The following SOS2 variants were observed in gnomAD, a reference collection of about 807,000 sequenced individuals.
SOS2 encodes SOS Ras/Rho guanine nucleotide exchange factor 2.
SOS2 carries 65 observed loss-of-function variants against 148.2 expected under a neutral mutation model. That is an observed-to-expected ratio of 0.44 (90% CI 0.36 to 0.54). SOS2 has a LOEUF of 0.54. SOS2 is among the 20% of genes least tolerant of loss of function. The pLI is 0.00. For missense variants in SOS2, 1,341 were observed against 1,590.2 expected (o/e 0.84, Z 2.67); for synonymous variants, 539 against 537.1 (o/e 1.00, Z -0.05).
chr14:50,182,692 T>C, intron 5 of SOS2, 86 bp from the exon 6 acceptor site: 1 of 1,064,354 alleles, frequency 9.4e-7, no homozygotes, highest in African/African-American at 1.6e-5. Flanking sequence ...TATAGGCTAC[T>C]CGAGGCAGAC....
chr14:50,158,732 C>T (rs1884897029), intron 10 of SOS2, 86 bp from the exon 11 acceptor site: 1 of 836,998 alleles, frequency 1.2e-6, no homozygotes, highest in Non-Finnish European at 1.9e-6. Flanking sequence ...GGCCTTCCTC[C>T]CTTTTTCTTT....
intron 8 of SOS2, among the ~76,000 whole-genome samples, chr14:50,166,658 C>T (rs186411933): frequency 6.6e-6 from 1 of 152,168 alleles, no homozygotes; most frequent in Admixed American, 6.5e-5. Context: ...TTTTTCTTAA[C>T]TCTGTATGAG....
chr14:50,133,584 T>C (rs936533183), intron 19 of SOS2, among the ~76,000 whole-genome samples: 2 of 152,208 alleles, frequency 1.3e-5, no homozygotes, highest in Non-Finnish European at 2.9e-5. Context: ...CTGCTTCACC[T>C]AAAGTTGGTT....
At chr14:50,182,251 A>ATT (rs1566841351) in intron 6 of SOS2, among the ~76,000 whole-genome samples, 1 of 151,128 alleles carries the variant, frequency 6.6e-6, no homozygotes, top group Non-Finnish European at 1.5e-5. Flanking sequence ...CCCAGGATGG[A>ATT]GTGCAGTGAC....
At chr14:50,211,029 T>C (rs548675294) in intron 1 of SOS2, among the ~76,000 whole-genome samples, 648 of 42,452 alleles carry the variant, frequency 0.015, 4 homozygotes, top group African/African-American at 0.051. Context: ...AATTCCACTA[T>C]AGGATATATA....
At chr14:50,160,428 C>T (rs1184353683) in intron 9 of SOS2, among the ~76,000 whole-genome samples, 2 of 116,304 alleles carry the variant, frequency 1.7e-5, no homozygotes, top group South Asian at 5.7e-4. Flanking sequence ...CTCTTGTCCC[C>T]CAGGCTGGAA....
chr14:50,184,378 T>C (rs1885841482), intron 5 of SOS2, among the ~76,000 whole-genome samples: 1 of 152,212 alleles, frequency 6.6e-6, no homozygotes, highest in Non-Finnish European at 1.5e-5. Flanking sequence ...TTGGTCTTTG[T>C]CCCTGGTTCC....
chr14:50,145,888 G>T lies in SOS2; in HGVS notation c.2385-292C>A, dbSNP rs1288410490. ...GGTGGCTCATGCCTGTAATCCCAGCGCTTTGGGAGGCCGAGGCAGATGGAT... is the reference window on the plus strand; with the variant it reads ...GGTGGCTCATGCCTGTAATCCCAGCTCTTTGGGAGGCCGAGGCAGATGGAT... On this transcript the variant is annotated intron_variant, in intron 14 of 22. Coordinates refer to ENST00000216373, the MANE Select transcript of SOS2 (RefSeq NM_006939.4). Among the ~76,000 whole-genome samples, 3 of 151,576 alleles carry T rather than the reference G, an allele frequency of 2.0e-5. No individual in the cohort carries two copies. The South Asian group carries it at 6.2e-4, about 32-fold the overall frequency.
chr14:50,198,737 T>C (rs1197753175), intron 4 of SOS2, among the ~76,000 whole-genome samples: 1 of 152,254 alleles, frequency 6.6e-6, no homozygotes, highest in Non-Finnish European at 1.5e-5. Context: ...TTCATTACTT[T>C]CTCCACTGTA....
intron 1 of SOS2, among the ~76,000 whole-genome samples, chr14:50,208,264 A>C (rs1438327087): frequency 6.6e-6 from 1 of 151,766 alleles, no homozygotes; most frequent in Non-Finnish European, 1.5e-5. Flanking sequence ...GTGCTGTTGC[A>C]CTCCAGCCTG....
rs766133013 is a variant in SOS2, at chr14:50,231,149, T to C, written c.87+48A>G. On this transcript the variant is annotated intron_variant, in intron 1 of 22. Coordinates refer to ENST00000216373, the MANE Select transcript of SOS2 (RefSeq NM_006939.4). ...GGACGACCTGCTCCCCGTTAGAAGC[T>C]CGGGGGGCCACGGGCCACCCGCCGG... 2.6e-6 allele frequency: 3 copies of C among 1,139,432 alleles called. No homozygotes were observed. The South Asian group carries it at 6.4e-5, about 24-fold the overall frequency. 70.6% of individuals were successfully genotyped at this position (1,139,432 alleles called of 1,614,324 possible). A position where few individuals can be genotyped will look rare whatever the true frequency, so the allele number is the denominator to read the frequency against.
intron 21 of SOS2, among the ~76,000 whole-genome samples, chr14:50,123,244 G>A (rs996247279): frequency 6.6e-6 from 1 of 152,168 alleles, no homozygotes; most frequent in Middle Eastern, 3.2e-3. Context: ...TGTCTATTAT[G>A]TTGAGGCAGA....
chr14:50,124,045 G>A (rs1339882244), intron 21 of SOS2, among the ~76,000 whole-genome samples: 1 of 152,116 alleles, frequency 6.6e-6, no homozygotes, highest in East Asian at 1.9e-4. Context: ...CTTTGGAGGG[G>A]ATAATAAGAA....
intron 5 of SOS2, among the ~76,000 whole-genome samples, chr14:50,186,203 T>C (rs1187913696): frequency 6.6e-6 from 1 of 152,156 alleles, no homozygotes; most frequent in Admixed American, 6.5e-5. Flanking sequence ...AAAAAAATTA[T>C]AGTAGATACA....
chr14:50,123,652 G>A (rs924031866), intron 21 of SOS2, among the ~76,000 whole-genome samples: 1 of 151,720 alleles, frequency 6.6e-6, no homozygotes, highest in South Asian at 2.1e-4. Flanking sequence ...CAAAGTGCTG[G>A]GATTACAGGG....
At chr14:50,167,006 G>C (rs1317054084) in intron 8 of SOS2, among the ~76,000 whole-genome samples, 1 of 152,026 alleles carries the variant, frequency 6.6e-6, no homozygotes, top group African/African-American at 2.4e-5. Context: ...CCAGAAGTTT[G>C]AGATCAGCTT....
intron 8 of SOS2, among the ~76,000 whole-genome samples, chr14:50,162,951 C>T (rs955038431): frequency 2.7e-5 from 4 of 147,044 alleles, no homozygotes; most frequent in Non-Finnish European, 4.5e-5. Context: ...AACTGGAATA[C>T]GGTGAGGTGA....
At chr14:50,227,041 G>A (rs1887399248) in intron 1 of SOS2, among the ~76,000 whole-genome samples, 1 of 152,110 alleles carries the variant, frequency 6.6e-6, no homozygotes, top group Non-Finnish European at 1.5e-5. Context: ...TAATTTAGCA[G>A]TAATGTTAAC....
At chr14:50,189,086 C>T (rs1464349166) in intron 4 of SOS2, among the ~76,000 whole-genome samples, 1 of 150,080 alleles carries the variant, frequency 6.7e-6, no homozygotes, top group Non-Finnish European at 1.5e-5. Context: ...CACACACACA[C>T]ACACACACAC....
Sources: gnomAD v4.1 joint callset for allele counts (sites outside exome capture counted in the v4.1 genomes callset) on GRCh38, gnomAD v4.1.1 for gene constraint, MANE v1.5 for transcripts, NCBI Gene and HGNC (gene_info 2026-07-23, HGNC 2026-07-21) for gene names.